NRP1: variants seen among roughly 807,000 people sequenced by gnomAD.
The protein encoded by NRP1 is neuropilin 1, also known as neuropilin-1.
Under a neutral mutation model 106.7 loss-of-function variants are expected in NRP1, and 35 were observed. The ratio of observed to expected loss-of-function variants is 0.33; its 90% confidence interval spans 0.25 to 0.43. The LOEUF is 0.43. Among genes scored for constraint, NRP1 ranks in the 20% least tolerant of loss-of-function variants. The pLI is 1.00. For synonymous variants in NRP1, 437 were observed against 417.9 expected, an observed-to-expected ratio of 1.05 and a Z score of -0.56; for missense variants, 1,024 against 1,170.4, an observed-to-expected ratio of 0.87 and a Z score of 1.83.
intron 2 of NRP1, among the ~76,000 whole-genome samples, chr10:33,273,638 A>G (rs1843471670): frequency 6.6e-6 from 1 of 152,242 alleles, no homozygotes. Flanking sequence ...ACGACAGCAC[A>G]GCAGCCCGGC....
intron 6 of NRP1, among the ~76,000 whole-genome samples, chr10:33,237,580 T>C (rs1290490239): frequency 1.6e-5 from 2 of 126,578 alleles, no homozygotes; most frequent in African/African-American, 4.2e-5. Flanking sequence ...CTTCTTCTTT[T>C]TTTTTTTTTT....
In NRP1 at chr10:33,213,453, T is replaced by C; in HGVS notation, c.1547A>G (p.Lys516Arg). The change falls in exon 9 of 17, where the codon AAG becomes AGG. Residue 516 changes from lysine (K) to arginine (R), a missense_variant. By Grantham distance (26) the Lys-to-Arg change is conservative. Coordinates refer to ENST00000374867, the MANE Select transcript of NRP1 (RefSeq NM_003873.7). ...CGAGCCGTTGTTGCTGTACCCGATC[T>C]TGAACTTCCTCATGAACACCTTGTT... is the stretch of plus-strand genomic sequence containing the variant. ...RENKVFMRKF[K>R]IGYSNNGSDW... The C allele has an allele frequency of 6.2e-7, 1 of 1,613,994 alleles. No homozygotes were observed. Among genetic ancestry groups the C allele is most frequent in the Non-Finnish European group, 8.5e-7 (1 of 1,180,004 alleles).
chr10:33,192,487 A>G (rs1347893281), intron 12 of NRP1, 69 bp from the exon 13 acceptor site: 20 of 1,548,768 alleles, frequency 1.3e-5, no homozygotes, highest in Non-Finnish European at 1.7e-5. Flanking sequence ...TAGGGTCACA[A>G]AGGCCCTTGG....
chr10:33,194,591 C>A, intron 12 of NRP1: 1 of 380,836 alleles, frequency 2.6e-6, no homozygotes, highest in Admixed American at 3.2e-5. Context: ...CTTCCAATGT[C>A]CTTCCCCATC....
intron 2 of NRP1, among the ~76,000 whole-genome samples, chr10:33,319,346 C>G (rs184239711): frequency 6.6e-6 from 1 of 151,954 alleles, no homozygotes; most frequent in African/African-American, 2.4e-5. Context: ...TAAAATGCAC[C>G]AATCAGTGCT....
chr10:33,296,643 C>T (rs1221157368), intron 2 of NRP1, among the ~76,000 whole-genome samples: 1 of 152,154 alleles, frequency 6.6e-6, no homozygotes, highest in Non-Finnish European at 1.5e-5. Context: ...CAAGGCTTCA[C>T]CCCTAGATTG....
rs112414592 is a variant in NRP1, at chr10:33,239,287, C to CAA, written c.982-13000_982-12999dup. ...TGGGCAACAGAGGAAGACCCTGTCT[C>CAA]AAAAAAAAAAAATGGGGGTCTTCTT... On this transcript the variant is annotated intron_variant, in intron 6 of 16. Coordinates refer to ENST00000374867, the MANE Select transcript of NRP1 (RefSeq NM_003873.7). 1.2e-3 allele frequency among the ~76,000 whole-genome samples: 167 copies of CAA among 144,470 alleles called. 1 individual carries two copies. Among genetic ancestry groups the CAA allele is most frequent in the Middle Eastern group, 3.7e-3 (1 of 272 alleles). 94.8% of individuals were successfully genotyped at this position (144,470 alleles called of 152,430 possible). A position where few individuals can be genotyped will look rare whatever the true frequency, so the allele number is the denominator to read the frequency against.
At chr10:33,252,274 C>G (rs1841922311) in intron 6 of NRP1, among the ~76,000 whole-genome samples, 1 of 152,176 alleles carries the variant, frequency 6.6e-6, no homozygotes, top group Non-Finnish European at 1.5e-5. Flanking sequence ...TGCACGCATT[C>G]TCCAAGACCA....
Position 33,254,021 on chromosome 10 carries a change from T to C in NRP1, c.981+7A>G. The C allele has an allele frequency of 6.2e-7, 1 of 1,601,464 alleles. No individual in the cohort carries two copies. Among genetic ancestry groups the C allele is most frequent in the South Asian group, 1.1e-5 (1 of 88,576 alleles). ...ATCCTAGATAGGCTTGATCTTATGCTGCATACCTGTATCCACTCTCGGTAG... is the reference window on the plus strand; with the variant it reads ...ATCCTAGATAGGCTTGATCTTATGCCGCATACCTGTATCCACTCTCGGTAG... On this transcript the variant is annotated splice_region_variant and intron_variant, in intron 6 of 16. Transcript: ENST00000374867.
At chr10:33,183,643 G>C (rs1835827375) in intron 15 of NRP1, among the ~76,000 whole-genome samples, 2 of 152,224 alleles carry the variant, frequency 1.3e-5, no homozygotes, top group South Asian at 4.1e-4. Flanking sequence ...GAATTTTTGA[G>C]TGCTTTGTCC....
chr10:33,195,721 C>T (rs1836735652), intron 12 of NRP1: 3 of 358,670 alleles, frequency 8.4e-6, no homozygotes, highest in Non-Finnish European at 1.7e-5. Flanking sequence ...TGACAATCAA[C>T]AGAAGTCCTT....
At chr10:33,233,449 G>A (rs1300488543) in intron 6 of NRP1, among the ~76,000 whole-genome samples, 1 of 152,230 alleles carries the variant, frequency 6.6e-6, no homozygotes, top group Non-Finnish European at 1.5e-5. Flanking sequence ...AAAGCAGCAT[G>A]TGTAGTAAAT....
intron 2 of NRP1, among the ~76,000 whole-genome samples, chr10:33,326,777 A>G (rs1255283393): frequency 1.3e-5 from 2 of 152,174 alleles, no homozygotes; most frequent in Non-Finnish European, 2.9e-5. Flanking sequence ...CTAACGAAGT[A>G]TCCACCTTTG....
intron 2 of NRP1, among the ~76,000 whole-genome samples, chr10:33,321,401 G>A (rs1036580998): frequency 1.3e-5 from 2 of 152,144 alleles, no homozygotes; most frequent in Non-Finnish European, 2.9e-5. Context: ...TATGAACTGA[G>A]ATTTTTTTTA....
At chr10:33,224,801 T>C (rs551529050) in intron 7 of NRP1, among the ~76,000 whole-genome samples, 1 of 152,254 alleles carries the variant, frequency 6.6e-6, no homozygotes, top group African/African-American at 2.4e-5. Context: ...CTCCCAGTTA[T>C]AAGTAAGAAC....
At chr10:33,190,664 A>C (rs189853516) in intron 13 of NRP1, among the ~76,000 whole-genome samples, 1 of 152,276 alleles carries the variant, frequency 6.6e-6, no homozygotes, top group African/African-American at 2.4e-5. Flanking sequence ...AGCATCAGCA[A>C]ATGCCCCCCT....
chr10:33,245,623 T>G (rs752471101), intron 6 of NRP1, among the ~76,000 whole-genome samples: 1 of 152,216 alleles, frequency 6.6e-6, no homozygotes, highest in Non-Finnish European at 1.5e-5. Context: ...CATTTTCATC[T>G]TGTTACAATG....
intron 2 of NRP1, among the ~76,000 whole-genome samples, chr10:33,324,023 T>C (rs1182400041): frequency 2.0e-5 from 3 of 152,210 alleles, no homozygotes; most frequent in Non-Finnish European, 2.9e-5. Context: ...AACCTTCTCC[T>C]TTAGCTCGCA....
rs79384388 is a variant in NRP1, at chr10:33,290,165, C to A, written c.249-19309G>T. ...ATGTATAGAATGCCTATATGTGATA[C>A]GTCTATATGTGCATATATTTGTGTA... is the stretch of plus-strand genomic sequence containing the variant. On this transcript the variant is annotated intron_variant, in intron 2 of 16. Coordinates refer to ENST00000374867, the MANE Select transcript of NRP1 (RefSeq NM_003873.7). 4.6e-5 allele frequency among the ~76,000 whole-genome samples: 7 copies of A among 152,176 alleles called. No individual in the cohort carries two copies. In the South Asian group the frequency reaches 8.3e-4, roughly 18 times the overall value.
Sources: allele counts gnomAD v4.1 joint callset (sites outside exome capture counted in the v4.1 genomes callset), GRCh38; gene constraint gnomAD v4.1.1; transcripts MANE v1.5; gene names NCBI Gene and HGNC (gene_info 2026-07-23, HGNC 2026-07-21).